ELF5: variants seen among roughly 807,000 people sequenced by gnomAD.
ELF5 encodes E74 like ETS transcription factor 5, also known as ETS-related transcription factor Elf-5.
A neutral mutation model predicts 38.2 loss-of-function variants in ELF5; 31 were observed. That is an observed-to-expected ratio of 0.81 (90% CI 0.61 to 1.10). ELF5 has a LOEUF of 1.10. Ranked by LOEUF, ELF5 falls within the 50% of genes least tolerant of loss-of-function variation. ELF5 has a pLI of 0.00. For missense variants in ELF5, 300 were observed against 306.6 expected, an observed-to-expected ratio of 0.98 and a Z score of 0.16; for synonymous variants, 121 against 112.5, an observed-to-expected ratio of 1.08 and a Z score of -0.48.
intron 2 of ELF5, among the ~76,000 whole-genome samples, chr11:34,503,315 T>C (rs902199257): frequency 6.6e-6 from 1 of 151,560 alleles, no homozygotes; most frequent in African/African-American, 2.4e-5. Context: ...CGTGCCACCA[T>C]GCCCAGCTAA....
In ELF5 at chr11:34,480,834, C is replaced by G; in HGVS notation, c.609G>C (p.Lys203Asn). Residue 203 changes from lysine to asparagine, a missense_variant, in exon 6 of 7, where the codon AAG (lysine) becomes AAC (asparagine). Transcript: ENST00000257832. The stretch of plus-strand genomic sequence containing the variant: ...CATTTTTCTTCCTTTGTCCCCACAT[C>G]TTTGCCAGGGCTTCCGATTTAACCA... ...FRVVKSEALA[K>N]MWGQRKKNDR... 1 of 1,614,136 alleles carries G rather than the reference C, an allele frequency of 6.2e-7. No homozygotes were observed. The highest frequency in any genetic ancestry group is 8.5e-7 in the Non-Finnish European group (1 of 1,180,022).
chr11:34,491,890 G>A (rs553233307), intron 3 of ELF5: 1 of 152,122 alleles, frequency 6.6e-6, no homozygotes, highest in Non-Finnish European at 1.5e-5. Context: ...GGTTTTTTTT[G>A]TTTGTTTGTT....
At chr11:34,486,196 G>A (rs1055787707) in intron 4 of ELF5, among the ~76,000 whole-genome samples, 4 of 152,158 alleles carry the variant, frequency 2.6e-5, no homozygotes, top group African/African-American at 9.7e-5. Flanking sequence ...CCCATGCCAG[G>A]CTGGTGCAGA....
intron 4 of ELF5, among the ~76,000 whole-genome samples, chr11:34,486,055 G>A (rs1396941144): frequency 6.6e-6 from 1 of 152,118 alleles, no homozygotes; most frequent in Non-Finnish European, 1.5e-5. Context: ...TTAAAATGTG[G>A]CCAAAGGATG....
chr11:34,490,572 A>C (rs1850141867), intron 3 of ELF5, among the ~76,000 whole-genome samples: 1 of 152,230 alleles, frequency 6.6e-6, no homozygotes, highest in Non-Finnish European at 1.5e-5. Context: ...TGGGCATAGG[A>C]GGTTGCAAGA....
chr11:34,508,518 AT>A lies in ELF5; in HGVS notation c.-4-2766del, dbSNP rs199699744. Among the ~76,000 whole-genome samples, 604 of 148,852 alleles carry A rather than the reference AT, an allele frequency of 4.1e-3. 1 individual carries two copies. Among genetic ancestry groups the A allele is most frequent in the Admixed American group, 5.0e-3 (74 of 14,890 alleles). On this transcript the variant is annotated intron_variant, in intron 1 of 6. Coordinates refer to ENST00000257832, the MANE Select transcript of ELF5 (RefSeq NM_001422.4). ...ACTATGTCTCACAAAAAAATAAAAA[AT>A]AAAAAATAAAAAATAAAAAAAACTT...
chr11:34,482,745 G>A (rs61882275), intron 4 of ELF5, among the ~76,000 whole-genome samples: 51,092 of 151,880 alleles, frequency 0.34, 9,246 homozygotes, highest in South Asian at 0.5. Context: ...ATCGAGGTCC[G>A]TGCAGGGCCT....
chr11:34,480,368 A>G, intron 6 of ELF5, 54 bp from the exon 7 acceptor site: 1 of 1,371,142 alleles, frequency 7.3e-7, no homozygotes. Flanking sequence ...CTAGGAAAAC[A>G]ACAGAACACA....
chr11:34,480,989 T>C, intron 5 of ELF5, 22 bp from the exon 6 acceptor site: 1 of 1,539,804 alleles, frequency 6.5e-7, no homozygotes, highest in Non-Finnish European at 8.7e-7. Context: ...GGGAAAACAT[T>C]AACTATTTAC....
chr11:34,483,412 G>T (rs1325900303), intron 4 of ELF5, among the ~76,000 whole-genome samples: 1 of 151,938 alleles, frequency 6.6e-6, no homozygotes, highest in Non-Finnish European at 1.5e-5. Flanking sequence ...GCAGCACCTA[G>T]CACACTGCCG....
chr11:34,496,225 C>T lies in ELF5; in HGVS notation c.122-2513G>A, dbSNP rs946522917. On this transcript the variant is annotated intron_variant, in intron 2 of 6. Coordinates refer to ENST00000257832, the MANE Select transcript of ELF5 (RefSeq NM_001422.4). Reference sequence around the variant, plus strand: ...CTGGCGCTGGCTCCCTGCTCCTCGGCGCTCTGCTTTGAAGCTCACCCACAG... The same window carrying T: ...CTGGCGCTGGCTCCCTGCTCCTCGGTGCTCTGCTTTGAAGCTCACCCACAG... 3.3e-5 allele frequency among the ~76,000 whole-genome samples: 5 copies of T among 152,362 alleles called. No individual in the cohort carries two copies. The East Asian group carries it at 5.8e-4, about 18-fold the overall frequency.
intron 4 of ELF5, among the ~76,000 whole-genome samples, chr11:34,487,564 A>C (rs1034484704): frequency 5.9e-5 from 9 of 152,084 alleles, no homozygotes; most frequent in African/African-American, 2.2e-4. Context: ...CGTGCTTATG[A>C]CCTTTCAGTG....
chr11:34,502,577 C>T (rs1850499498), intron 2 of ELF5, among the ~76,000 whole-genome samples: 1 of 152,228 alleles, frequency 6.6e-6, no homozygotes, highest in African/African-American at 2.4e-5. Flanking sequence ...CCAGGCAGCT[C>T]CAAGAGAGGT....
rs572333933 is a variant in ELF5, at chr11:34,500,461, A to G, written c.121+5168T>C. Among the ~76,000 whole-genome samples, 8 of 152,378 alleles carry G rather than the reference A, an allele frequency of 5.3e-5. No homozygotes were observed. In the East Asian group the frequency reaches 9.6e-4, roughly 18 times the overall value. ...CCAGCATAGCCTATGGAAAGAGACC[A>G]TGAGATGGAAAAGTTAAGTCCAGTG... On this transcript the variant is annotated intron_variant, in intron 2 of 6. Transcript: ENST00000257832.
intron 2 of ELF5, among the ~76,000 whole-genome samples, chr11:34,499,170 A>G (rs1443554917): frequency 1.3e-5 from 2 of 152,034 alleles, no homozygotes; most frequent in Non-Finnish European, 2.9e-5. Flanking sequence ...CCCTTCCTAT[A>G]TAAAGATCCT....
intron 1 of ELF5, among the ~76,000 whole-genome samples, chr11:34,511,130 G>A (rs1302938707): frequency 6.6e-6 from 1 of 152,016 alleles, no homozygotes; most frequent in Non-Finnish European, 1.5e-5. Flanking sequence ...TCCAAACCTG[G>A]GCACTCACAC....
At chr11:34,481,636 C>T (rs1331388507) in intron 5 of ELF5, among the ~76,000 whole-genome samples, 6 of 152,132 alleles carry the variant, frequency 3.9e-5, no homozygotes, top group African/African-American at 7.2e-5. Flanking sequence ...GTACTGATTC[C>T]ACAGCCACAA....
chr11:34,505,499 C>G (rs1319821397), intron 2 of ELF5, 130 bp downstream of exon 2: 3 of 1,398,254 alleles, frequency 2.1e-6, no homozygotes, highest in Non-Finnish European at 2.9e-6. Context: ...CAGGAGCCCT[C>G]CAGCCCTCTG....
At chr11:34,511,399 G>T in intron 1 of ELF5, 1 of 1,114,534 alleles carries the variant, frequency 9.0e-7, no homozygotes, top group Non-Finnish European at 1.3e-6. Context: ...CCCACCGATA[G>T]ATCCGTGGAA....
Sources: allele counts gnomAD v4.1 joint callset (sites outside exome capture counted in the v4.1 genomes callset), GRCh38; gene constraint gnomAD v4.1.1; transcripts MANE v1.5; gene names NCBI Gene and HGNC (gene_info 2026-07-23, HGNC 2026-07-21).